KCNC3: variants seen among roughly 807,000 people sequenced by gnomAD.
KCNC3 encodes potassium voltage-gated channel subfamily C member 3, also known as voltage-gated potassium channel KCNC3.
KCNC3 carries 22 observed loss-of-function variants against 43.9 expected under a neutral mutation model. The ratio of observed to expected loss-of-function variants is 0.50; its 90% confidence interval spans 0.36 to 0.72. The LOEUF (loss-of-function observed/expected upper bound fraction) is 0.72, where lower values mean the gene tolerates loss of function less well. Ranked by LOEUF, KCNC3 falls within the 30% of genes least tolerant of loss-of-function variation. The probability of loss-of-function intolerance (pLI) is 0.00; values close to 1 mark genes in which losing one functional copy is unlikely to be tolerated. For missense variants in KCNC3, 829 were observed against 1,073.8 expected, an observed-to-expected ratio of 0.77 and a Z score of 3.19; for synonymous variants, 492 against 488.0, an observed-to-expected ratio of 1.01 and a Z score of -0.11.
chr19:50,329,858 G>A (rs143269978), upstream of KCNC3: 2 of 152,602 alleles, frequency 1.3e-5, no homozygotes, highest in African/African-American at 4.8e-5. Flanking sequence ...TAGGCCTAAG[G>A]GAGGGAGCGG....
chr19:50,327,505 A>G lies in KCNC3; in HGVS notation c.870+708T>C, dbSNP rs113461513. ...GTTTAGAGGGGTCCAGAAGGCTGTG[A>G]GGTTGGGGTGGGGGAGTTTTCTGAG... On this transcript the variant is annotated intron_variant, in intron 1 of 4. Transcript: ENST00000477616. Among the ~76,000 whole-genome samples, 248 of 151,896 alleles carry G rather than the reference A, an allele frequency of 1.6e-3. 1 individual carries two copies. The highest frequency in any genetic ancestry group is 5.3e-3 in the African/African-American group (221 of 41,398).
intron 2 of KCNC3, among the ~76,000 whole-genome samples, chr19:50,321,561 G>A (rs889381927): frequency 1.1e-4 from 16 of 152,156 alleles, no homozygotes; most frequent in Non-Finnish European, 1.9e-4. Context: ...CTTAAGGTCA[G>A]GAGTTCGAGA....
chr19:50,322,847 G>T, intron 2 of KCNC3, 128 bp downstream of exon 2: 1 of 865,232 alleles, frequency 1.2e-6, no homozygotes, highest in Non-Finnish European at 1.8e-6. Context: ...CTGAGCTCCT[G>T]CTGTTGGTTT....
rs2036915076 is a variant in KCNC3, at chr19:50,314,216, C to T, written c.*1899G>A. On this transcript the variant is annotated 3_prime_UTR_variant, in exon 5 of 5. Transcript: ENST00000477616. ...CCGCCCTCCCACCACCTGAGCTCAA[C>T]TCGGCCCCGCCCTCCCGCCACCTGA... The T allele has an allele frequency of 1.1e-5, 1 of 92,516 alleles. No individual in the cohort carries two copies. Among genetic ancestry groups the T allele is most frequent in the Non-Finnish European group, 2.3e-5 (1 of 44,192 alleles). The allele number at this position is 92,516 out of a possible 1,614,324, so 5.7% of individuals were successfully genotyped here. A position where few individuals can be genotyped will look rare whatever the true frequency, so the allele number is the denominator to read the frequency against.
intron 3 of KCNC3, 86 bp from the exon 4 acceptor site, chr19:50,320,435 G>A: frequency 1.5e-6 from 1 of 658,258 alleles, no homozygotes; most frequent in Non-Finnish European, 2.7e-6. Context: ...GGAAACTTGG[G>A]GCGGGGGTAC....
At position 50,328,360 on chromosome 19, in the gene KCNC3, C is replaced by T; in HGVS notation, c.723G>A (p.Glu241=). 1 of 1,187,072 alleles carries T rather than the reference C, an allele frequency of 8.4e-7. No homozygotes were observed. Among genetic ancestry groups the T allele is most frequent in the Non-Finnish European group, 1.0e-6 (1 of 961,608 alleles). The allele number at this position is 1,187,072 out of a possible 1,614,324, so 73.5% of individuals were successfully genotyped here. ...CGTCCTGGAAGCAGAGGCGCTTGAG[C>T]TCGCCGCCCGCTCCGTCCAGGCCGC... ...GGGGLDGAGG[E]LKRLCFQDAG... Residue 241 remains glutamate, a synonymous_variant, in exon 1 of 5, where the codon GAG becomes GAA. Coordinates refer to ENST00000477616, the MANE Select transcript of KCNC3 (RefSeq NM_004977.3).
In KCNC3 at chr19:50,312,380, T is replaced by C. The variant is rs1449556980; in HGVS notation, c.*3735A>G. 1 of 151,894 alleles carries C rather than the reference T, an allele frequency of 6.6e-6. No individual in the cohort carries two copies. The highest frequency in any genetic ancestry group is 1.9e-4 in the East Asian group (1 of 5,144). The allele number at this position is 151,894 out of a possible 1,614,324, so 9.4% of individuals were successfully genotyped here. A position where few individuals can be genotyped will look rare whatever the true frequency, so the allele number is the denominator to read the frequency against. ...CCCCCCGCCATTCATTCCTCCCCAA[T>C]CGCCCCGCCCCCTGGCCCGTGTCCG... On this transcript the variant is annotated 3_prime_UTR_variant, in exon 5 of 5. Coordinates refer to ENST00000477616, the MANE Select transcript of KCNC3 (RefSeq NM_004977.3).
At position 50,328,480 on chromosome 19, in the gene KCNC3, G is replaced by A; in HGVS notation, c.603C>T (p.Ser201=). Residue 201 remains serine (S), a synonymous_variant, in exon 1 of 5, where the codon TCC becomes TCT. Coordinates refer to ENST00000477616, the MANE Select transcript of KCNC3 (RefSeq NM_004977.3). ...QHRDAEEALD[S]FEAPDPAGAA... ...CGCCCGCGGGGTCGGGCGCCTCGAA[G>A]GAGTCGAGCGCCTCCTCAGCGTCGC... is the stretch of plus-strand genomic sequence containing the variant. 1 of 1,607,680 alleles carries A rather than the reference G, an allele frequency of 6.2e-7. No individual in the cohort carries two copies. The highest frequency in any genetic ancestry group is 2.2e-5 in the East Asian group (1 of 44,628).
In KCNC3 at chr19:50,312,982, A is replaced by G. The variant is rs1430373265; in HGVS notation, c.*3133T>C. On this transcript the variant is annotated 3_prime_UTR_variant, in exon 5 of 5. Coordinates refer to ENST00000477616, the MANE Select transcript of KCNC3 (RefSeq NM_004977.3). Reference sequence around the variant, plus strand: ...CCCTTGCATAGGAATCGTTGCATCGAGAATCGTGCTCAGTGACGCCCCCCA... The same window carrying G: ...CCCTTGCATAGGAATCGTTGCATCGGGAATCGTGCTCAGTGACGCCCCCCA... 2 of 151,910 alleles carry G rather than the reference A, an allele frequency of 1.3e-5. No homozygotes were observed. The highest frequency in any genetic ancestry group is 4.8e-5 in the African/African-American group (2 of 41,350). 9.4% of individuals were successfully genotyped at this position (151,910 alleles called of 1,614,324 possible). A position where few individuals can be genotyped will look rare whatever the true frequency, so the allele number is the denominator to read the frequency against.
chr19:50,322,635 C>A (rs942150858), intron 2 of KCNC3, among the ~76,000 whole-genome samples: 2 of 152,086 alleles, frequency 1.3e-5, no homozygotes, highest in Admixed American at 6.5e-5. Flanking sequence ...GGTTCTGCCT[C>A]GGGTCTGCCT....
At chr19:50,325,653 G>A (rs547183276) in intron 1 of KCNC3, among the ~76,000 whole-genome samples, 2 of 152,162 alleles carry the variant, frequency 1.3e-5, no homozygotes, top group Non-Finnish European at 2.9e-5. Flanking sequence ...CAGAGCGCAT[G>A]CCTAGTTCCC....
upstream of KCNC3, among the ~76,000 whole-genome samples, chr19:50,331,253 G>A (rs1291730065): frequency 8.1e-6 from 1 of 123,954 alleles, no homozygotes; most frequent in Admixed American, 7.4e-5. Context: ...CTCCTCCCTG[G>A]TGTCTCAGTC....
chr19:50,320,546 G>A (rs1568570537), intron 3 of KCNC3, 47 bp downstream of exon 3: 5 of 1,557,198 alleles, frequency 3.2e-6, no homozygotes, highest in African/African-American at 1.4e-5. Context: ...CCTGGGCAGG[G>A]GAGAGAGAGG....
Position 50,328,468 on chromosome 19 carries a change from G to C in KCNC3, c.615C>G (p.Pro205=), listed in dbSNP as rs556002056. 1.7e-5 allele frequency: 28 copies of C among 1,600,818 alleles called. No individual in the cohort carries two copies. In the South Asian group the frequency reaches 2.3e-4, roughly 13 times the overall value. The change falls in exon 1 of 5, where the codon CCC becomes CCG. Residue 205 remains proline (P), a synonymous_variant. Coordinates refer to ENST00000477616, the MANE Select transcript of KCNC3 (RefSeq NM_004977.3). ...AEEALDSFEA[P]DPAGAANAAN... ...CGGCGTTGGCGGCGCCCGCGGGGTC[G>C]GGCGCCTCGAAGGAGTCGAGCGCCT...
upstream of KCNC3, among the ~76,000 whole-genome samples, chr19:50,332,807 C>T (rs1023789492): frequency 6.6e-6 from 1 of 152,126 alleles, no homozygotes; most frequent in African/African-American, 2.4e-5. The surrounding 1 kb of genome is among the most constrained non-coding windows in gnomAD (Gnocchi z 5.8). Context: ...TTCCTGAAAG[C>T]TCCAACTCCC....
chr19:50,325,173 G>A (rs1029173309), intron 1 of KCNC3, among the ~76,000 whole-genome samples: 4 of 152,146 alleles, frequency 2.6e-5, no homozygotes, highest in African/African-American at 9.7e-5. Context: ...TCTTGGAGAA[G>A]GAAAGCAATG....
Position 50,329,053 on chromosome 19 carries a change from G to T in KCNC3, c.30C>A (p.Phe10Leu), listed in dbSNP as rs768475286. MLSSVCVSS[F>L]RGRQGASKQQ... The stretch of plus-strand genomic sequence containing the variant: ...GCTTGCTGGCCCCCTGGCGCCCGCG[G>T]AAGGACGAGACGCAGACTGAGCTCA... Residue 10 changes from phenylalanine (F) to leucine (L), a missense_variant, in exon 1 of 5, where the codon TTC becomes TTA. Phe to Leu is a conservative substitution (Grantham distance 22, BLOSUM62 0). Coordinates refer to ENST00000477616, the MANE Select transcript of KCNC3 (RefSeq NM_004977.3). 6 of 1,339,374 alleles carry T rather than the reference G, an allele frequency of 4.5e-6. No individual in the cohort carries two copies. The highest frequency in any genetic ancestry group is 5.8e-6 in the Non-Finnish European group (6 of 1,041,242). 83.0% of individuals were successfully genotyped at this position (1,339,374 alleles called of 1,614,324 possible).
intron 4 of KCNC3, among the ~76,000 whole-genome samples, chr19:50,316,582 A>G (rs1444955288): frequency 6.6e-6 from 1 of 152,138 alleles, no homozygotes; most frequent in East Asian, 1.9e-4. Flanking sequence ...CTAAAAATCC[A>G]AAAATTAGCC....
Position 50,323,417 on chromosome 19 carries a change from C to G in KCNC3, c.1536G>C (p.Lys512Asn). The change falls in exon 2 of 5, where the codon AAG becomes AAC. Residue 512 changes from lysine (K) to asparagine (N), a missense_variant. This residue lies in a region of KCNC3 where 33 missense variants were observed against 96.0 expected (regional missense o/e 0.34). Transcript: ENST00000477616. ...CCCCGACCAGCATCCCCGACCACGT[C>G]TTGGGGTACATGTCTCCATAGCCCA... ...TTLGYGDMYP[K>N]TWSGMLVGAL... is the part of the protein sequence containing the mutation. 6.2e-7 allele frequency: 1 copy of G among 1,614,228 alleles called. No individual in the cohort carries two copies. Among genetic ancestry groups the G allele is most frequent in the Non-Finnish European group, 8.5e-7 (1 of 1,180,050 alleles).
Sources: allele counts gnomAD v4.1 joint callset (sites outside exome capture counted in the v4.1 genomes callset), GRCh38; gene constraint gnomAD v4.1.1; regional missense constraint gnomAD v4.1.1; non-coding constraint Gnocchi (gnomAD v3.1); transcripts MANE v1.5; gene names NCBI Gene and HGNC (gene_info 2026-07-23, HGNC 2026-07-21).